The following GRIK1 variants were observed in gnomAD, a reference collection of about 807,000 sequenced individuals.
GRIK1 encodes glutamate ionotropic receptor kainate type subunit 1, also known as glutamate receptor ionotropic, kainate 1.
A neutral mutation model predicts 105.7 loss-of-function variants in GRIK1; 69 were observed. That is an observed-to-expected ratio of 0.65 (90% confidence interval 0.54 to 0.80). The LOEUF (loss-of-function observed/expected upper bound fraction) is 0.80. Ranked by LOEUF, GRIK1 falls within the 30% of genes least tolerant of loss-of-function variation. The pLI is 0.00. For missense variants in GRIK1, 1,109 were observed against 1,167.3 expected, an observed-to-expected ratio of 0.95 and a Z score of 0.73; for synonymous variants, 438 against 431.3, an observed-to-expected ratio of 1.02 and a Z score of -0.19.
At chr21:29,557,545 G>T (rs1200731652) in intron 15 of GRIK1, among the ~76,000 whole-genome samples, 1 of 152,154 alleles carries the variant, frequency 6.6e-6, no homozygotes, top group Non-Finnish European at 1.5e-5. Context: ...TAGAAAAACA[G>T]AAGGTTAACA....
At chr21:29,926,878 T>C (rs2071388217) in intron 1 of GRIK1, among the ~76,000 whole-genome samples, 1 of 152,216 alleles carries the variant, frequency 6.6e-6, no homozygotes, top group Non-Finnish European at 1.5e-5. Context: ...ATTTGTGATA[T>C]CATACTGCCT....
chr21:29,642,695 G>A, intron 7 of GRIK1, 131 bp downstream of exon 7: 2 of 736,306 alleles, frequency 2.7e-6, no homozygotes. Context: ...AATCTGAGCA[G>A]ACTGGTTGAT....
At chr21:29,554,202 G>A (rs552289143) in intron 16 of GRIK1, among the ~76,000 whole-genome samples, 1 of 152,246 alleles carries the variant, frequency 6.6e-6, no homozygotes, top group African/African-American at 2.4e-5. Context: ...TGACAGGAGA[G>A]CATTAAACTG....
chr21:29,708,800 T>A (rs2063976170), intron 1 of GRIK1, among the ~76,000 whole-genome samples: 1 of 152,240 alleles, frequency 6.6e-6, no homozygotes, highest in Non-Finnish European at 1.5e-5. Context: ...TTTTTAAAAT[T>A]TTTTAATTTT....
At chr21:29,551,512 G>C (rs1381303621) in intron 16 of GRIK1, among the ~76,000 whole-genome samples, 1 of 152,136 alleles carries the variant, frequency 6.6e-6, no homozygotes, top group African/African-American at 2.4e-5. Context: ...TTCTCTGTTA[G>C]TAAAGCTGAA....
intron 9 of GRIK1, among the ~76,000 whole-genome samples, chr21:29,595,078 A>C (rs913793899): frequency 1.3e-5 from 2 of 152,172 alleles, no homozygotes; most frequent in African/African-American, 4.8e-5. Context: ...GAGTTATAAC[A>C]CAAAACAGCA....
chr21:29,849,551 T>C (rs1440754870), intron 1 of GRIK1, among the ~76,000 whole-genome samples: 8 of 152,180 alleles, frequency 5.3e-5, no homozygotes, highest in Admixed American at 2.0e-4. Flanking sequence ...ACTACTTCAT[T>C]AAGGATAAGT....
intron 7 of GRIK1, among the ~76,000 whole-genome samples, chr21:29,611,747 C>T (rs1268235997): frequency 6.6e-6 from 1 of 152,140 alleles, no homozygotes; most frequent in African/African-American, 2.4e-5. Context: ...GAAATGAAAG[C>T]ATGTGGGCTT....
intron 1 of GRIK1, among the ~76,000 whole-genome samples, chr21:29,900,359 C>T (rs1335933898): frequency 6.6e-6 from 1 of 150,992 alleles, no homozygotes; most frequent in Non-Finnish European, 1.5e-5. Context: ...ACAGTCAAGA[C>T]CCATTGGTGT....
chr21:29,731,981 T>G (rs1287529076), intron 1 of GRIK1, among the ~76,000 whole-genome samples: 2 of 152,180 alleles, frequency 1.3e-5, no homozygotes, highest in Non-Finnish European at 2.9e-5. Context: ...CTTCTCCTTC[T>G]TAGTGACTCA....
chr21:29,829,194 C>T (rs911027841), intron 1 of GRIK1, among the ~76,000 whole-genome samples: 2 of 152,180 alleles, frequency 1.3e-5, no homozygotes, highest in African/African-American at 4.8e-5. Flanking sequence ...TCACCACATG[C>T]TGCAGTGACC....
rs1268263770 is a variant in GRIK1, at chr21:29,924,247, G to T, written c.118+15136C>A. On this transcript the variant is annotated intron_variant, in intron 1 of 17. Transcript: ENST00000327783. ...CAGCTACTCAGGAGACTGAGGCAGA[G>T]AATTGCTTGAACCCGGGAGGTGGAC... Among the ~76,000 whole-genome samples the T allele has an allele frequency of 4.0e-5, 6 of 150,808 alleles. No individual in the cohort carries two copies. In the South Asian group the frequency reaches 6.3e-4, roughly 16 times the overall value.
intron 1 of GRIK1, among the ~76,000 whole-genome samples, chr21:29,814,514 A>G (rs1214264943): frequency 6.6e-6 from 1 of 152,048 alleles, no homozygotes; most frequent in East Asian, 1.9e-4. Flanking sequence ...AGCATCGTAG[A>G]TCACAGGATG....
intron 1 of GRIK1, among the ~76,000 whole-genome samples, chr21:29,807,192 T>C (rs1291536320): frequency 3.3e-5 from 5 of 152,186 alleles, no homozygotes; most frequent in African/African-American, 1.2e-4. Context: ...CTATTGTTCA[T>C]GACCTGGTAA....
chr21:29,657,170 G>A (rs997952485), intron 4 of GRIK1, among the ~76,000 whole-genome samples: 1 of 152,092 alleles, frequency 6.6e-6, no homozygotes, highest in Non-Finnish European at 1.5e-5. Context: ...AAGGGAACTG[G>A]GCAGGTTTCA....
At chr21:29,553,683 G>A (rs867467071) in intron 16 of GRIK1, 7 of 1,580,164 alleles carry the variant, frequency 4.4e-6, no homozygotes, top group Middle Eastern at 1.7e-4. Flanking sequence ...TTACATTGCA[G>A]TCCATAAAAG....
chr21:29,813,150 T>C (rs1376610218), intron 1 of GRIK1, among the ~76,000 whole-genome samples: 1 of 152,250 alleles, frequency 6.6e-6, no homozygotes, highest in Non-Finnish European at 1.5e-5. Context: ...GTTTGCAATA[T>C]TCAAGGAGGT....
At chr21:29,853,722 A>G (rs1366464358) in intron 1 of GRIK1, among the ~76,000 whole-genome samples, 2 of 152,226 alleles carry the variant, frequency 1.3e-5, no homozygotes, top group Non-Finnish European at 2.9e-5. Context: ...ATCAACGTGT[A>G]TTAAATATCC....
chr21:29,711,653 A>G (rs931215276), intron 1 of GRIK1, among the ~76,000 whole-genome samples: 13 of 152,116 alleles, frequency 8.5e-5, no homozygotes, highest in Non-Finnish European at 1.8e-4. Flanking sequence ...CAATGTATTT[A>G]CACTTTAAAA....
Sources: gnomAD v4.1 joint callset for allele counts (sites outside exome capture counted in the v4.1 genomes callset) on GRCh38, gnomAD v4.1.1 for gene constraint, MANE v1.5 for transcripts, NCBI Gene and HGNC (gene_info 2026-07-23, HGNC 2026-07-21) for gene names.